TAS2R1: variants seen among roughly 807,000 people sequenced by gnomAD.
TAS2R1 encodes taste receptor type 2 member 1.
For synonymous variants in TAS2R1, 141 were observed against 134.2 expected (o/e 1.05, Z -0.35); for missense variants, 370 against 353.4 (o/e 1.05, Z -0.38).
the TAS2R1 span, among the ~76,000 whole-genome samples, chr5:9,823,721 A>T: frequency 1.3e-5 from 2 of 151,110 alleles, no homozygotes; most frequent in African/African-American, 4.9e-5. Flanking sequence ...GGAGGGACAG[A>T]TGGACGGAGG....
At chr5:9,648,769 G>C (rs1350391156) in intron 2 of TAS2R1, among the ~76,000 whole-genome samples, 2 of 152,018 alleles carry the variant, frequency 1.3e-5, no homozygotes, top group African/African-American at 2.4e-5. Flanking sequence ...GCCGACCAGT[G>C]ACCTTTTGGA....
At chr5:9,869,650 T>C in the TAS2R1 span, among the ~76,000 whole-genome samples, 1 of 152,228 alleles carries the variant, frequency 6.6e-6, no homozygotes, top group Non-Finnish European at 1.5e-5. Flanking sequence ...ATGTTTCAGA[T>C]GTATTATCAT....
the TAS2R1 span, among the ~76,000 whole-genome samples, chr5:9,846,452 T>A: frequency 2.0e-5 from 3 of 152,180 alleles, no homozygotes; most frequent in African/African-American, 7.2e-5. Flanking sequence ...ACACGCTATT[T>A]CTATGCATTT....
At chr5:9,677,256 A>C (rs1406702620) in intron 1 of TAS2R1, among the ~76,000 whole-genome samples, 2 of 152,102 alleles carry the variant, frequency 1.3e-5, no homozygotes, top group African/African-American at 2.4e-5. Context: ...CACCTATTGG[A>C]GGGTGAAGGG....
chr5:9,635,835 T>C (rs1027979446), intron 2 of TAS2R1, among the ~76,000 whole-genome samples: 1 of 152,174 alleles, frequency 6.6e-6, no homozygotes, highest in African/African-American at 2.4e-5. Flanking sequence ...CATTTTTTCT[T>C]GGTTAATCTC....
At chr5:9,738,828 C>A in the TAS2R1 span, among the ~76,000 whole-genome samples, 2 of 152,008 alleles carry the variant, frequency 1.3e-5, no homozygotes, top group Admixed American at 1.3e-4. Flanking sequence ...CAAGGCAACA[C>A]CCAAATATCC....
chr5:9,718,999 GA>G, the TAS2R1 span, among the ~76,000 whole-genome samples: 1 of 152,208 alleles, frequency 6.6e-6, no homozygotes, highest in Non-Finnish European at 1.5e-5. Flanking sequence ...CTGTACTGGA[GA>G]AAAAGTGTTA....
At chr5:9,695,338 C>T (rs903471905) in intron 1 of TAS2R1, among the ~76,000 whole-genome samples, 4 of 151,770 alleles carry the variant, frequency 2.6e-5, no homozygotes, top group African/African-American at 4.8e-5. Flanking sequence ...TATAATGAAA[C>T]GAACAAAAAA....
At chr5:9,669,563 C>A (rs1184362659) in intron 1 of TAS2R1, among the ~76,000 whole-genome samples, 1 of 152,154 alleles carries the variant, frequency 6.6e-6, no homozygotes, top group Admixed American at 6.6e-5. Flanking sequence ...CAAACACACT[C>A]TCAGACCACA....
intron 1 of TAS2R1, among the ~76,000 whole-genome samples, chr5:9,677,087 G>A (rs2126507172): frequency 6.6e-6 from 1 of 152,298 alleles, no homozygotes; most frequent in South Asian, 2.1e-4. Flanking sequence ...AAAAAAGAAT[G>A]AGATCATGTA....
At chr5:9,871,714 AAC>A in the TAS2R1 span, among the ~76,000 whole-genome samples, 1 of 152,188 alleles carries the variant, frequency 6.6e-6, no homozygotes, top group African/African-American at 2.4e-5. Flanking sequence ...ACAAGGGGAG[AAC>A]AGTCCATTGA....
chr5:9,665,399 T>C (rs1198552455), intron 1 of TAS2R1, among the ~76,000 whole-genome samples: 2 of 152,266 alleles, frequency 1.3e-5, no homozygotes, highest in African/African-American at 4.8e-5. Flanking sequence ...AACATTTCCC[T>C]GGGTTTGGCA....
At chr5:9,757,580 C>T in the TAS2R1 span, among the ~76,000 whole-genome samples, 1 of 152,144 alleles carries the variant, frequency 6.6e-6, no homozygotes, top group Non-Finnish European at 1.5e-5. Context: ...GACTCTTCAG[C>T]ATGTAGAATT....
the TAS2R1 span, among the ~76,000 whole-genome samples, chr5:9,876,818 G>A: frequency 6.6e-6 from 1 of 152,162 alleles, no homozygotes; most frequent in African/African-American, 2.4e-5. Context: ...GGGACTGCAA[G>A]GCCAAAAAGG....
the TAS2R1 span, among the ~76,000 whole-genome samples, chr5:9,895,956 G>A: frequency 6.6e-6 from 1 of 152,244 alleles, no homozygotes; most frequent in Non-Finnish European, 1.5e-5. Context: ...TCCAGGGTTA[G>A]GGATGGGTCT....
upstream of TAS2R1, chr5:9,714,227 C>G (rs1026892337): frequency 7.2e-5 from 11 of 152,192 alleles, no homozygotes; most frequent in African/African-American, 2.4e-4. Context: ...GCAGTCTTTA[C>G]TTGGTATTGC....
chr5:9,644,258 G>A (rs1740144679), intron 2 of TAS2R1, among the ~76,000 whole-genome samples: 1 of 152,168 alleles, frequency 6.6e-6, no homozygotes, highest in South Asian at 2.1e-4. Flanking sequence ...GAGAAGGCAA[G>A]TGTGGAAGTA....
chr5:9,662,613 G>A (rs1372247128), intron 1 of TAS2R1, among the ~76,000 whole-genome samples: 3 of 152,124 alleles, frequency 2.0e-5, no homozygotes, highest in Non-Finnish European at 4.4e-5. Flanking sequence ...GATCAAACAG[G>A]TAGCACAACA....
the TAS2R1 span, among the ~76,000 whole-genome samples, chr5:9,800,097 C>G: frequency 6.6e-6 from 1 of 152,200 alleles, no homozygotes; most frequent in African/African-American, 2.4e-5. Context: ...CCTCCTATAA[C>G]TCCTAGTATA....
Sources: allele counts gnomAD v4.1 joint callset (sites outside exome capture counted in the v4.1 genomes callset), GRCh38; gene constraint gnomAD v4.1.1; transcripts MANE v1.5; gene names NCBI Gene and HGNC (gene_info 2026-07-23, HGNC 2026-07-21).